The following MYO1D variants were observed in gnomAD, a reference collection of about 807,000 sequenced individuals.
MYO1D encodes the protein myosin ID.
A neutral mutation model predicts 122.0 loss-of-function variants in MYO1D; 83 were observed. That is an observed-to-expected ratio of 0.68 (90% CI 0.57 to 0.82). The LOEUF (loss-of-function observed/expected upper bound fraction) is 0.82. Ranked by LOEUF, MYO1D falls within the 40% of genes least tolerant of loss-of-function variation. The pLI is 0.00. For synonymous variants in MYO1D, 464 were observed against 446.9 expected (o/e 1.04, Z -0.48); for missense variants, 1,157 against 1,269.5 (o/e 0.91, Z 1.35).
At chr17:32,580,377 GT>G (rs369151079) in intron 21 of MYO1D, among the ~76,000 whole-genome samples, 12 of 34,752 alleles carry the variant, frequency 3.5e-4, no homozygotes, top group Non-Finnish European at 3.5e-4. Context: ...CACTGAGATT[GT>G]TTTTTTTTTT....
chr17:32,743,201 T>C (rs2089792233), intron 13 of MYO1D, among the ~76,000 whole-genome samples: 1 of 152,208 alleles, frequency 6.6e-6, no homozygotes, highest in Non-Finnish European at 1.5e-5. Flanking sequence ...CCTCTTCTCT[T>C]TTTAAAACTA....
At chr17:32,788,182 A>T (rs1284769472) in intron 1 of MYO1D, among the ~76,000 whole-genome samples, 1 of 152,186 alleles carries the variant, frequency 6.6e-6, no homozygotes. Flanking sequence ...TTACATTCTC[A>T]CTAGCAGTGT....
chr17:32,841,988 T>C (rs1486216809), intron 1 of MYO1D, among the ~76,000 whole-genome samples: 2 of 152,174 alleles, frequency 1.3e-5, no homozygotes, highest in African/African-American at 4.8e-5. Flanking sequence ...AGCACAGAAG[T>C]AACGTCCATA....
At chr17:32,592,915 C>A (rs1283275950) in intron 21 of MYO1D, among the ~76,000 whole-genome samples, 4 of 152,176 alleles carry the variant, frequency 2.6e-5, no homozygotes, top group Non-Finnish European at 5.9e-5. Flanking sequence ...AGTACCGTAT[C>A]ACTTCCGCTT....
At chr17:32,801,703 G>A (rs901727897) in intron 1 of MYO1D, among the ~76,000 whole-genome samples, 2 of 152,108 alleles carry the variant, frequency 1.3e-5, no homozygotes, top group Admixed American at 1.3e-4. Flanking sequence ...ACACATGTAT[G>A]TGTGTGTGTG....
chr17:32,605,678 C>T (rs966815152), intron 20 of MYO1D, among the ~76,000 whole-genome samples: 3 of 152,092 alleles, frequency 2.0e-5, no homozygotes, highest in Non-Finnish European at 4.4e-5. Flanking sequence ...TTGCCAATAT[C>T]AGGAATGGAA....
chr17:32,574,362 G>A (rs897921737), intron 21 of MYO1D, among the ~76,000 whole-genome samples: 10 of 152,120 alleles, frequency 6.6e-5, no homozygotes, highest in African/African-American at 2.2e-4. Context: ...TGTAAAGCTA[G>A]CTAATTTAAA....
intron 1 of MYO1D, among the ~76,000 whole-genome samples, chr17:32,857,994 T>C (rs769752580): frequency 2.6e-5 from 4 of 152,212 alleles, no homozygotes; most frequent in Non-Finnish European, 5.9e-5. Flanking sequence ...TACCTGTTGA[T>C]TGGTAATGTT....
At chr17:32,654,335 C>A (rs2088441300) in intron 18 of MYO1D, 142 bp downstream of exon 18, 1 of 906,144 alleles carries the variant, frequency 1.1e-6, no homozygotes, top group Admixed American at 2.9e-5. Flanking sequence ...CATTTAGAAG[C>A]AATAAAATGT....
At chr17:32,827,708 C>G (rs1390214634) in intron 1 of MYO1D, among the ~76,000 whole-genome samples, 1 of 152,054 alleles carries the variant, frequency 6.6e-6, no homozygotes, top group Non-Finnish European at 1.5e-5. Context: ...AAAAAGACAT[C>G]ATTAAGTTTA....
At chr17:32,680,995 G>A (rs954052845) in intron 16 of MYO1D, among the ~76,000 whole-genome samples, 1 of 151,990 alleles carries the variant, frequency 6.6e-6, no homozygotes, top group Non-Finnish European at 1.5e-5. Context: ...TGTATGTGTC[G>A]AGGAATTTAT....
In MYO1D at chr17:32,610,241, C is replaced by T. The variant is rs900875233; in HGVS notation, c.2710-5000G>A. On this transcript the variant is annotated intron_variant, in intron 20 of 21. Coordinates refer to ENST00000318217, the MANE Select transcript of MYO1D (RefSeq NM_015194.3). ...GCTCTCGGCCACAACCCCCTCTCAGCGGGTGGGCTTCTCTCCCTCCCCTTC... is the reference window on the plus strand; with the variant it reads ...GCTCTCGGCCACAACCCCCTCTCAGTGGGTGGGCTTCTCTCCCTCCCCTTC... Among the ~76,000 whole-genome samples the T allele has an allele frequency of 1.1e-4, 16 of 152,052 alleles. No homozygotes were observed. The East Asian group carries it at 1.2e-3, about 11-fold the overall frequency.
intron 1 of MYO1D, among the ~76,000 whole-genome samples, chr17:32,866,674 G>A (rs1392780340): frequency 1.3e-5 from 2 of 152,198 alleles, no homozygotes; most frequent in South Asian, 2.1e-4. Context: ...CTCTAGTTGG[G>A]AGAATTTGGG....
At chr17:32,714,092 C>T (rs967660376) in intron 15 of MYO1D, among the ~76,000 whole-genome samples, 1 of 150,508 alleles carries the variant, frequency 6.6e-6, no homozygotes, top group African/African-American at 2.5e-5. Context: ...TTCTGAGGTA[C>T]ATGTGTAGGA....
intron 8 of MYO1D, among the ~76,000 whole-genome samples, chr17:32,763,110 CG>C (rs5819995): frequency 0.43 from 64,651 of 150,638 alleles, 14,504 homozygotes; most frequent in East Asian, 0.73. Context: ...GGCATGAACC[CG>C]GAAGGCAGAG....
chr17:32,713,882 TCA>T (rs2089410065), intron 15 of MYO1D, among the ~76,000 whole-genome samples: 1 of 152,022 alleles, frequency 6.6e-6, no homozygotes, highest in South Asian at 2.1e-4. Flanking sequence ...CCTTGGCCTC[TCA>T]AAATGCTGGG....
chr17:32,500,429 G>T (rs1909279101), intron 21 of MYO1D, among the ~76,000 whole-genome samples: 1 of 152,202 alleles, frequency 6.6e-6, no homozygotes, highest in Admixed American at 6.5e-5. Context: ...CTGCTCCTTA[G>T]CAGAGAGATA....
chr17:32,593,003 T>C (rs563732915), intron 21 of MYO1D, among the ~76,000 whole-genome samples: 1 of 152,284 alleles, frequency 6.6e-6, no homozygotes, highest in South Asian at 2.1e-4. Context: ...TTCCAAAACA[T>C]GCTCTTCCTC....
intron 1 of MYO1D, among the ~76,000 whole-genome samples, chr17:32,849,139 G>A (rs941351408): frequency 6.6e-6 from 1 of 151,674 alleles, no homozygotes. Flanking sequence ...CAGTTAGAAT[G>A]GCAATCATTA....
Sources: gnomAD v4.1 joint callset for allele counts (sites outside exome capture counted in the v4.1 genomes callset) on GRCh38, gnomAD v4.1.1 for gene constraint, MANE v1.5 for transcripts, NCBI Gene and HGNC (gene_info 2026-07-23, HGNC 2026-07-21) for gene names.